DNAH11: variants seen among roughly 807,000 people sequenced by gnomAD.
The protein encoded by DNAH11 is dynein axonemal heavy chain 11.
A neutral mutation model predicts 526.0 loss-of-function variants in DNAH11; 442 were observed. The ratio of observed to expected loss-of-function variants is 0.84; its 90% CI spans 0.78 to 0.91. The LOEUF is 0.91. Among genes scored for constraint, DNAH11 ranks in the 40% least tolerant of loss-of-function variants. The pLI, the probability that DNAH11 is intolerant of heterozygous loss-of-function variation, is 0.00. For synonymous variants in DNAH11, 2,461 were observed against 1,935.9 expected (o/e 1.27, Z -7.12); for missense variants, 6,989 against 5,448.7 (o/e 1.28, Z -8.90).
intron 53 of DNAH11, 144 bp from the exon 54 acceptor site, chr7:21,750,076 TAA>T: frequency 8.5e-7 from 1 of 1,175,026 alleles, no homozygotes; most frequent in African/African-American, 1.6e-5. Flanking sequence ...GTCTCGTAAA[TAA>T]AAAAGAAACA....
intron 20 of DNAH11, among the ~76,000 whole-genome samples, chr7:21,610,240 C>T (rs1008045199): frequency 4.6e-5 from 7 of 152,050 alleles, no homozygotes; most frequent in Non-Finnish European, 1.0e-4. Flanking sequence ...GGCGACAGTG[C>T]GAGACTCCAT....
intron 76 of DNAH11, among the ~76,000 whole-genome samples, chr7:21,888,855 C>T (rs1223485050): frequency 2.0e-5 from 3 of 152,140 alleles, no homozygotes; most frequent in Admixed American, 1.3e-4. Flanking sequence ...GAGCATGATT[C>T]TATCGATTCT....
chr7:21,705,067 A>T (rs1357364470), intron 38 of DNAH11, among the ~76,000 whole-genome samples: 1 of 152,226 alleles, frequency 6.6e-6, no homozygotes, highest in Non-Finnish European at 1.5e-5. Context: ...TTCAATTTGA[A>T]TTCAGTGAAT....
At chr7:21,899,675 G>A (rs1037392988) in intron 80 of DNAH11, among the ~76,000 whole-genome samples, 2 of 152,146 alleles carry the variant, frequency 1.3e-5, no homozygotes, top group African/African-American at 4.8e-5. Flanking sequence ...AAGTGAGGTG[G>A]GGCACGGTGT....
At chr7:21,611,474 A>G (rs925936253) in intron 20 of DNAH11, among the ~76,000 whole-genome samples, 4 of 152,030 alleles carry the variant, frequency 2.6e-5, no homozygotes, top group African/African-American at 9.7e-5. Context: ...AACTTCCCTC[A>G]TGTATCTATT....
intron 42 of DNAH11, among the ~76,000 whole-genome samples, chr7:21,715,446 A>G (rs1020204753): frequency 2.6e-5 from 4 of 152,218 alleles, no homozygotes; most frequent in African/African-American, 7.2e-5. Flanking sequence ...AAGATGATAC[A>G]TTGGGGCATT....
intron 48 of DNAH11, among the ~76,000 whole-genome samples, chr7:21,741,476 G>A (rs1003793217): frequency 6.6e-6 from 1 of 152,202 alleles, no homozygotes; most frequent in East Asian, 1.9e-4. Context: ...GCTACCCCCA[G>A]CATACATTCA....
intron 74 of DNAH11, among the ~76,000 whole-genome samples, chr7:21,878,089 G>A (rs1267273566): frequency 1.3e-5 from 2 of 152,150 alleles, no homozygotes; most frequent in Admixed American, 6.6e-5. Context: ...GTATGCAGAT[G>A]CCTGTTCTTT....
chr7:21,628,325 A>T (rs1046248033), intron 25 of DNAH11, among the ~76,000 whole-genome samples: 6 of 152,106 alleles, frequency 3.9e-5, no homozygotes, highest in Non-Finnish European at 8.8e-5. Context: ...TTCTAATACT[A>T]TATTGAATAC....
intron 30 of DNAH11, among the ~76,000 whole-genome samples, chr7:21,665,335 G>T (rs1273484983): frequency 6.6e-6 from 1 of 152,078 alleles, no homozygotes; most frequent in Non-Finnish European, 1.5e-5. Context: ...TAGTTGGGTT[G>T]CTTTTCCATT....
At chr7:21,596,087 G>A (rs1032832544) in intron 14 of DNAH11, among the ~76,000 whole-genome samples, 5 of 152,326 alleles carry the variant, frequency 3.3e-5, no homozygotes, top group African/African-American at 1.2e-4. Flanking sequence ...CAGTGTTTCT[G>A]TTGACTTCCA....
chr7:21,657,345 A>G (rs534291023), intron 29 of DNAH11, among the ~76,000 whole-genome samples: 13 of 152,152 alleles, frequency 8.5e-5, no homozygotes, highest in African/African-American at 3.1e-4. Flanking sequence ...GAGAAAATGG[A>G]TATGCACATA....
intron 54 of DNAH11, among the ~76,000 whole-genome samples, chr7:21,757,697 C>T (rs1292020956): frequency 6.6e-6 from 1 of 152,168 alleles, no homozygotes; most frequent in Non-Finnish European, 1.5e-5. Flanking sequence ...TGGCGACAGA[C>T]AAGGTGGGTG....
chr7:21,852,496 T>C lies in DNAH11; in HGVS notation c.10926T>C (p.Phe3642=). The C allele has an allele frequency of 1.2e-6, 2 of 1,613,792 alleles. No individual in the cohort carries two copies. Among genetic ancestry groups the C allele is most frequent in the Non-Finnish European group, 1.7e-6 (2 of 1,179,780 alleles). The change falls in exon 67 of 82, where the codon TTT becomes TTC. Residue 3642 remains phenylalanine, a synonymous_variant. Transcript: ENST00000409508. ...KLVLTKHQND[F]KIELKYLEDD... is the part of the protein sequence containing the mutation. ...TATTGACAAAGCACCAAAATGATTT[T>C]AAAATTGAGCTCAAGTATCTGGAAG...
At chr7:21,701,143 C>T (rs141994301) in intron 36 of DNAH11, among the ~76,000 whole-genome samples, 4 of 152,242 alleles carry the variant, frequency 2.6e-5, no homozygotes, top group Non-Finnish European at 5.9e-5. Flanking sequence ...CTTTCCCCTC[C>T]CTTTCCTCTT....
intron 6 of DNAH11, among the ~76,000 whole-genome samples, chr7:21,567,626 T>C (rs1486148887): frequency 6.6e-6 from 1 of 152,226 alleles, no homozygotes; most frequent in Non-Finnish European, 1.5e-5. Flanking sequence ...GAACAGGTGC[T>C]GTGTAGATGA....
rs146611146 is a variant in DNAH11, at chr7:21,718,773, G to A, written c.7134+848G>A. On this transcript the variant is annotated intron_variant, in intron 43 of 81. Transcript: ENST00000409508. Reference sequence around the variant, plus strand: ...AGCAAAATTGCTTTCTAAGTACTTTGTTACCATTAAGTGAGTGTGTTACCA... The same window carrying A: ...AGCAAAATTGCTTTCTAAGTACTTTATTACCATTAAGTGAGTGTGTTACCA... Among the ~76,000 whole-genome samples the A allele has an allele frequency of 2.3e-3, 353 of 152,196 alleles. 2 individuals carry two copies. Among genetic ancestry groups the A allele is most frequent in the African/African-American group, 8.2e-3 (340 of 41,530 alleles).
At chr7:21,885,171 T>TAAAAAAA (rs778429337) in intron 76 of DNAH11, among the ~76,000 whole-genome samples, 1 of 114,580 alleles carries the variant, frequency 8.7e-6, no homozygotes, top group African/African-American at 3.5e-5. Context: ...AAATGAACTA[T>TAAAAAAA]AAAAAAAAAA....
intron 20 of DNAH11, among the ~76,000 whole-genome samples, chr7:21,609,908 G>T (rs2128450176): frequency 6.6e-6 from 1 of 152,310 alleles, no homozygotes; most frequent in Non-Finnish European, 1.5e-5. Context: ...GCCTGCAAAG[G>T]AAGCCGATGA....
Sources: allele counts gnomAD v4.1 joint callset (sites outside exome capture counted in the v4.1 genomes callset), GRCh38; gene constraint gnomAD v4.1.1; transcripts MANE v1.5; gene names NCBI Gene and HGNC (gene_info 2026-07-23, HGNC 2026-07-21).